Variants in TRNT1 observed in about 807,000 individuals in gnomAD.
TRNT1 encodes the protein tRNA nucleotidyl transferase 1.
In TRNT1, 44 loss-of-function variants were observed where a neutral mutation model predicts 45.6. That is an observed-to-expected ratio of 0.97 (90% CI 0.76 to 1.24). The LOEUF (loss-of-function observed/expected upper bound fraction) is 1.24, where lower values mean the gene tolerates loss of function less well. TRNT1 is among the 50% of genes most tolerant of loss of function. The pLI, the probability that TRNT1 is intolerant of heterozygous loss-of-function variation, is 0.00. For missense variants in TRNT1, 633 were observed against 504.4 expected, an observed-to-expected ratio of 1.25 and a Z score of -2.44; for synonymous variants, 201 against 171.4, an observed-to-expected ratio of 1.17 and a Z score of -1.35.
At chr3:3,149,350 G>GAAAGT (rs1458186661), downstream of TRNT1, 4 of 152,092 alleles carry the variant, frequency 2.6e-5, no homozygotes, top group South Asian at 4.1e-4. Context: ...TTTCTGTATA[G>GAAAGT]AAAGTATGCA....
intron 2 of TRNT1, 65 bp downstream of exon 2, chr3:3,129,253 T>G: frequency 7.3e-7 from 1 of 1,366,118 alleles, no homozygotes; most frequent in East Asian, 2.3e-5. Flanking sequence ...GAGGGTTAAC[T>G]TTTTAAGCCA....
intron 4 of TRNT1, among the ~76,000 whole-genome samples, chr3:3,143,508 C>T (rs1207258373): frequency 2.6e-5 from 4 of 152,174 alleles, no homozygotes; most frequent in African/African-American, 7.2e-5. Flanking sequence ...CAGGACTGCC[C>T]ATTTAACCAC....
chr3:3,137,102 C>G (rs1354579966), intron 2 of TRNT1, among the ~76,000 whole-genome samples, 158 bp from the exon 3 acceptor site: 1 of 152,158 alleles, frequency 6.6e-6, no homozygotes, highest in African/African-American at 2.4e-5. Flanking sequence ...AGTCTTTTTA[C>G]TTCTTTGGGC....
chr3:3,149,337 C>CTAT (rs1306988221), downstream of TRNT1: 1 of 152,078 alleles, frequency 6.6e-6, no homozygotes, highest in African/African-American at 2.4e-5. Context: ...ATAATACATA[C>CTAT]TATTTCTGTA....
At chr3:3,144,312 C>T (rs1649252701) in intron 4 of TRNT1, among the ~76,000 whole-genome samples, 1 of 152,114 alleles carries the variant, frequency 6.6e-6, no homozygotes, top group African/African-American at 2.4e-5. Flanking sequence ...TTGTTGGCTC[C>T]ACTCCACCTC....
chr3:3,152,516 T>A, downstream of TRNT1: 1 of 1,614,074 alleles, frequency 6.2e-7, no homozygotes, highest in Non-Finnish European at 8.5e-7. Context: ...GCAAGCCTTA[T>A]ACACAGTAAG....
chr3:3,153,210 G>A (rs61136338), downstream of TRNT1: 2,075 of 506,574 alleles, frequency 4.1e-3, 10 homozygotes, highest in African/African-American at 0.017. Context: ...ACTTTACCAT[G>A]CTCATTACCT....
At chr3:3,151,149 T>C, downstream of TRNT1, 1 of 1,189,274 alleles carries the variant, frequency 8.4e-7, no homozygotes, top group Non-Finnish European at 1.2e-6. Flanking sequence ...ATTCTAAGGA[T>C]TAGAGATTCT....
rs1283386278 is a variant in TRNT1, at chr3:3,137,290, G to T, written c.179G>T (p.Arg60Ile). 3 of 1,597,320 alleles carry T rather than the reference G, an allele frequency of 1.9e-6. No homozygotes were observed. Among genetic ancestry groups the T allele is most frequent in the Non-Finnish European group, 1.7e-6 (2 of 1,175,082 alleles). Reference protein sequence around the residue: ...ELFVKENHELRIAGGAVRDLL... With the variant: ...ELFVKENHELIIAGGAVRDLL... ...TTTGTCAAAGAGAATCACGAATTAA[G>T]AATAGCAGGAGGAGCAGTGAGGGAT... The change falls in exon 3 of 8, where the codon AGA (arginine) becomes ATA (isoleucine). Residue 60 changes from arginine (R) to isoleucine (I), a missense_variant. Arg to Ile is a moderately conservative substitution (Grantham distance 97, BLOSUM62 -3). Coordinates refer to ENST00000251607, the MANE Select transcript of TRNT1 (RefSeq NM_182916.3).
At chr3:3,150,983 G>C, downstream of TRNT1, 1 of 1,613,960 alleles carries the variant, frequency 6.2e-7, no homozygotes, top group Non-Finnish European at 8.5e-7. Flanking sequence ...TTTTTTGGTG[G>C]CCGTAAACTT....
At chr3:3,145,989 T>C (rs1705990956) in intron 5 of TRNT1, among the ~76,000 whole-genome samples, 1 of 150,832 alleles carries the variant, frequency 6.6e-6, no homozygotes, top group African/African-American at 2.4e-5. Context: ...AAAGTACTAA[T>C]GTGTACAGAC....
At chr3:3,146,778 TGTC>T in intron 6 of TRNT1, among the ~76,000 whole-genome samples, 155 bp downstream of exon 6, 1 of 152,212 alleles carries the variant, frequency 6.6e-6, no homozygotes, top group Non-Finnish European at 1.5e-5. Flanking sequence ...GGGTAAGTTT[TGTC>T]GTGAGTAGGG....
chr3:3,144,875 A>G, intron 5 of TRNT1, 165 bp downstream of exon 5: 1 of 475,722 alleles, frequency 2.1e-6, no homozygotes, highest in Non-Finnish European at 3.3e-6. Flanking sequence ...AAAATTACTT[A>G]GCTACTTCAT....
Position 3,147,941 on chromosome 3 carries a change from A to C in TRNT1, c.1092A>C (p.Glu364Asp). ...CTGATGCAACTACTCGTGTATGTGA[A>C]CTACTGAAGTACCAAGGAGAGCACT... ...REPDATTRVC[E>D]LLKYQGEHCL... The change falls in exon 8 of 8, where the codon GAA (glutamate) becomes GAC (aspartate). Residue 364 changes from glutamate (E) to aspartate (D), a missense_variant. Physicochemically the swap from Glu to Asp is conservative, Grantham distance 45. Transcript: ENST00000251607. 6.2e-7 allele frequency: 1 copy of C among 1,613,814 alleles called. No individual in the cohort carries two copies. Among genetic ancestry groups the C allele is most frequent in the Non-Finnish European group, 8.5e-7 (1 of 1,179,818 alleles).
chr3:3,150,038 C>T (rs1706393188), downstream of TRNT1: 1 of 152,138 alleles, frequency 6.6e-6, no homozygotes, highest in African/African-American at 2.4e-5. Context: ...GGTTTACTTA[C>T]TTACAGATTT....
At chr3:3,127,244 G>A (rs539310921) in intron 1 of TRNT1, 2 of 152,410 alleles carry the variant, frequency 1.3e-5, no homozygotes, top group African/African-American at 4.8e-5. Flanking sequence ...GGACGGCCCC[G>A]AGACGCTTTT....
intron 1 of TRNT1, among the ~76,000 whole-genome samples, chr3:3,128,285 C>G (rs537436862): frequency 6.6e-5 from 10 of 152,148 alleles, no homozygotes; most frequent in Non-Finnish European, 1.3e-4. Context: ...TTGTTTAATT[C>G]TAAACGGGTC....
chr3:3,151,420 C>G (rs1706540611), downstream of TRNT1, among the ~76,000 whole-genome samples: 1 of 152,116 alleles, frequency 6.6e-6, no homozygotes, highest in Non-Finnish European at 1.5e-5. Context: ...TAGAAAACAG[C>G]AATTACCTGC....
At chr3:3,138,498 C>T (rs1470736797) in intron 3 of TRNT1, among the ~76,000 whole-genome samples, 1 of 152,186 alleles carries the variant, frequency 6.6e-6, no homozygotes, top group East Asian at 1.9e-4. Flanking sequence ...ACTTACTGTG[C>T]AGGGCACTTA....
Sources: allele counts gnomAD v4.1 joint callset (sites outside exome capture counted in the v4.1 genomes callset), GRCh38; gene constraint gnomAD v4.1.1; transcripts MANE v1.5; gene names NCBI Gene and HGNC (gene_info 2026-07-23, HGNC 2026-07-21).